The following ABCA4 variants were observed in gnomAD, a reference collection of about 807,000 sequenced individuals.
The protein encoded by ABCA4 is retinal-specific phospholipid-transporting ATPase ABCA4.
Under a neutral mutation model 263.7 loss-of-function variants are expected in ABCA4, and 196 were observed. That is an observed-to-expected ratio of 0.74 (90% CI 0.66 to 0.84). ABCA4 has a LOEUF of 0.84. Ranked by LOEUF, ABCA4 falls within the 40% of genes least tolerant of loss-of-function variation. The probability of loss-of-function intolerance (pLI) is 0.00; values close to 1 mark genes in which losing one functional copy is unlikely to be tolerated. For synonymous variants in ABCA4, 1,133 were observed against 1,094.2 expected (o/e 1.04, Z -0.70); for missense variants, 2,792 against 2,855.1 (o/e 0.98, Z 0.50).
intron 47 of ABCA4, among the ~76,000 whole-genome samples, chr1:93,999,016 G>T (rs1197562127): frequency 1.3e-5 from 2 of 150,418 alleles, no homozygotes; most frequent in African/African-American, 4.9e-5. Context: ...CTCCCAAAGT[G>T]CTGGGATTAC....
At chr1:94,000,521 G>C (rs1659143955) in intron 47 of ABCA4, among the ~76,000 whole-genome samples, 1 of 152,186 alleles carries the variant, frequency 6.6e-6, no homozygotes, top group Non-Finnish European at 1.5e-5. Flanking sequence ...GATCTGTTGA[G>C]ATAAGTGGTG....
chr1:94,019,319 C>T (rs146067286), intron 36 of ABCA4: 32 of 441,030 alleles, frequency 7.3e-5, no homozygotes, highest in African/African-American at 5.9e-4. Context: ...GGTCAGAAGA[C>T]CCCTCAGTGC....
chr1:94,106,952 T>C (rs1363345370), intron 4 of ABCA4, among the ~76,000 whole-genome samples: 1 of 152,172 alleles, frequency 6.6e-6, no homozygotes, highest in African/African-American at 2.4e-5. Context: ...GGCATTTGCC[T>C]GACTCATCTC....
chr1:94,112,538 T>C (rs1662637502), intron 2 of ABCA4, among the ~76,000 whole-genome samples: 1 of 152,242 alleles, frequency 6.6e-6, no homozygotes, highest in Non-Finnish European at 1.5e-5. Context: ...TGGCTCATGC[T>C]TGTAATCCCA....
chr1:94,036,703 C>A (rs759823075), intron 26 of ABCA4, 37 bp downstream of exon 26: 14 of 1,608,140 alleles, frequency 8.7e-6, no homozygotes, highest in Non-Finnish European at 1.2e-5. Context: ...GGGAGGGAGG[C>A]AAGGAAGGGA....
At chr1:94,007,478 G>A (rs199738130) in intron 43 of ABCA4, among the ~76,000 whole-genome samples, 156 bp downstream of exon 43, 2 of 99,418 alleles carry the variant, frequency 2.0e-5, no homozygotes, top group African/African-American at 4.1e-5. Context: ...CTATGTGTTG[G>A]GCTTTTTGGG....
chr1:94,080,345 A>C, intron 8 of ABCA4, 133 bp downstream of exon 8: 3 of 1,234,270 alleles, frequency 2.4e-6, no homozygotes, highest in Non-Finnish European at 3.5e-6. Flanking sequence ...TTTCTGGGAG[A>C]AGTCTCTTTA....
intron 4 of ABCA4, among the ~76,000 whole-genome samples, chr1:94,103,756 G>T (rs991099690): frequency 6.6e-6 from 1 of 152,188 alleles, no homozygotes. Context: ...GATGCTCAGG[G>T]CACTGACATG....
intron 28 of ABCA4, 123 bp downstream of exon 28, chr1:94,030,873 A>AC (rs1460568832): frequency 5.6e-6 from 8 of 1,436,294 alleles, no homozygotes; most frequent in Non-Finnish European, 7.7e-6. Context: ...CAGCCCAAAG[A>AC]CCCCTCCCCT....
Position 94,060,574 on chromosome 1 carries a change from A to T in ABCA4, c.2123T>A (p.Met708Lys), listed in dbSNP as rs754874649. The T allele has an allele frequency of 1.9e-6, 3 of 1,614,190 alleles. No homozygotes were observed. In the East Asian group the frequency reaches 6.7e-5, roughly 36 times the overall value. The change falls in exon 14 of 50, where the codon ATG (methionine) becomes AAG (lysine). Residue 708 changes from methionine to lysine, a missense_variant. Coordinates refer to ENST00000370225, the MANE Select transcript of ABCA4 (RefSeq NM_000350.3). ...CTWFLDSFSI[M>K]SMSIFLLTIF... ...CGTCAGGAGGAAGATGCTCATCGAC[A>T]TGATGGAGAAGCTGTCCAGGAACCA... is the stretch of plus-strand genomic sequence containing the variant.
At chr1:94,109,015 A>C (rs1301422208) in intron 3 of ABCA4, among the ~76,000 whole-genome samples, 1 of 151,528 alleles carries the variant, frequency 6.6e-6, no homozygotes, top group Non-Finnish European at 1.5e-5. Flanking sequence ...CTCGTGATCC[A>C]CCCGCCTCAG....
In ABCA4 at chr1:94,004,912, C is replaced by A. The variant is rs112487800; in HGVS notation, c.6147+529G>T. Among the ~76,000 whole-genome samples the A allele has an allele frequency of 3.9e-3, 595 of 152,266 alleles. 10 individuals are homozygous for A. Among genetic ancestry groups the A allele is most frequent in the African/African-American group, 0.014 (567 of 41,552 alleles). Reference sequence around the variant, plus strand: ...TTTCTTACATACAAAGTAGCGTTCTCTATGTTCTGTTTTCCACTTTGCTTT... The same window carrying A: ...TTTCTTACATACAAAGTAGCGTTCTATATGTTCTGTTTTCCACTTTGCTTT... On this transcript the variant is annotated intron_variant, in intron 44 of 49. Coordinates refer to ENST00000370225, the MANE Select transcript of ABCA4 (RefSeq NM_000350.3).
rs556179635 is a variant in ABCA4 at position 94,046,338 on chromosome 1, T to G, written c.2918+581A>C. Among the ~76,000 whole-genome samples, 5 of 145,422 alleles carry G rather than the reference T, an allele frequency of 3.4e-5. No individual in the cohort carries two copies. The East Asian group carries it at 8.0e-4, about 23-fold the overall frequency. On this transcript the variant is annotated intron_variant, in intron 19 of 49. Transcript: ENST00000370225. The stretch of plus-strand genomic sequence containing the variant: ...TTAGCTGGGCATGGTGGTATGCACC[T>G]GTAGTCCCACCTACTTGGGAGGCTG...
At chr1:94,036,864 T>C (rs1660351679) in intron 25 of ABCA4, 76 bp from the exon 26 acceptor site, 1 of 1,391,826 alleles carries the variant, frequency 7.2e-7, no homozygotes, top group Non-Finnish European at 1.0e-6. Flanking sequence ...AGCTCTGTTT[T>C]GTTGGGTATT....
chr1:94,037,262 A>C lies in ABCA4; in HGVS notation c.3696T>G (p.Leu1232=), dbSNP rs61754040. ...TGTGCTTGAAGTTCTTATTTGGAAG[A>C]AGGAAGATAAGTTCTTGACCAATGC... The part of the protein sequence containing the change: ...VECIGQELIF[L]LPNKNFKHRA... Residue 1232 remains leucine, a synonymous_variant, in exon 25 of 50, where the codon CTT becomes CTG. Transcript: ENST00000370225. The C allele has an allele frequency of 6.2e-7, 1 of 1,614,238 alleles. No individual in the cohort carries two copies.
intron 47 of ABCA4, 127 bp downstream of exon 47, chr1:94,000,709 C>A (rs1659149374): frequency 2.0e-6 from 2 of 1,003,508 alleles, no homozygotes; most frequent in Non-Finnish European, 3.2e-6. Context: ...GAATGAGGCC[C>A]AGCCACCACC....
chr1:94,032,771 C>G (rs1295010238), intron 26 of ABCA4, among the ~76,000 whole-genome samples: 1 of 152,208 alleles, frequency 6.6e-6, no homozygotes, highest in Non-Finnish European at 1.5e-5. Flanking sequence ...TATGTACACA[C>G]ACACACATAA....
chr1:94,021,984 G>T, intron 32 of ABCA4, 33 bp from the exon 33 acceptor site: 1 of 1,584,942 alleles, frequency 6.3e-7, no homozygotes, highest in South Asian at 1.1e-5. Flanking sequence ...TCAGACCAGG[G>T]CCACGAACTT....
intron 6 of ABCA4, 87 bp from the exon 7 acceptor site, chr1:94,083,528 T>C: frequency 1.1e-6 from 1 of 921,138 alleles, no homozygotes; most frequent in South Asian, 1.6e-5. Flanking sequence ...TCCTATATGT[T>C]TGAAAACTCC....
Sources: gnomAD v4.1 joint callset for allele counts (sites outside exome capture counted in the v4.1 genomes callset) on GRCh38, gnomAD v4.1.1 for gene constraint, MANE v1.5 for transcripts, NCBI Gene and HGNC (gene_info 2026-07-23, HGNC 2026-07-21) for gene names.